The following PARP4 variants were observed in gnomAD, a reference collection of about 807,000 sequenced individuals.
PARP4 encodes the protein protein mono-ADP-ribosyltransferase PARP4.
Under a neutral mutation model 187.7 loss-of-function variants are expected in PARP4, and 120 were observed. The observed-to-expected ratio is 0.64, with a 90% CI of 0.55 to 0.74. PARP4 has a LOEUF of 0.74. PARP4 is among the 30% of genes least tolerant of loss of function. PARP4 has a pLI of 0.00. For synonymous variants in PARP4, 654 were observed against 740.9 expected, an observed-to-expected ratio of 0.88 and a Z score of 1.90; for missense variants, 1,836 against 2,070.5, an observed-to-expected ratio of 0.89 and a Z score of 2.20.
intron 12 of PARP4, among the ~76,000 whole-genome samples, chr13:24,482,143 T>C (rs7989323): frequency 0.016 from 2,434 of 152,296 alleles, 62 homozygotes; most frequent in African/African-American, 0.051. Flanking sequence ...AGAACTAGAA[T>C]TACAATTGGA....
At chr13:24,457,069 A>C (rs993518140) in intron 20 of PARP4, among the ~76,000 whole-genome samples, 1 of 152,224 alleles carries the variant, frequency 6.6e-6, no homozygotes, top group African/African-American at 2.4e-5. Context: ...AGATCTACCC[A>C]TTCAGTTAGA....
intron 17 of PARP4, among the ~76,000 whole-genome samples, chr13:24,463,528 A>G (rs1808328638): frequency 6.6e-6 from 1 of 152,238 alleles, no homozygotes; most frequent in Admixed American, 6.5e-5. Context: ...TCACATAAAC[A>G]GAACTAAAGA....
chr13:24,440,063 G>A (rs1229401871), intron 30 of PARP4, among the ~76,000 whole-genome samples: 1 of 152,092 alleles, frequency 6.6e-6, no homozygotes, highest in Non-Finnish European at 1.5e-5. Flanking sequence ...TTTCTTTCAT[G>A]GGCAATCCAT....
chr13:24,490,692 T>A lies in PARP4; in HGVS notation c.1190A>T (p.Lys397Ile). 6.2e-7 allele frequency: 1 copy of A among 1,613,904 alleles called. No homozygotes were observed. Among genetic ancestry groups the A allele is most frequent in the African/African-American group, 1.3e-5 (1 of 75,044 alleles). Residue 397 changes from lysine (K) to isoleucine (I), a missense_variant, in exon 10 of 34, where the codon AAA becomes ATA. Lys to Ile is a moderately radical substitution (Grantham distance 102). Transcript: ENST00000381989. ...CCTGTGATGATTCTGCAAAACCTCT[T>A]TTCTAACCCTGAGAAATTCTTCAGT... The part of the protein sequence containing the change: ...QNTEEFLRVR[K>I]EVLQNHHSKS...
At chr13:24,452,234 A>G (rs1176540437) in intron 24 of PARP4, 172 bp downstream of exon 24, 1 of 586,064 alleles carries the variant, frequency 1.7e-6, no homozygotes, top group Non-Finnish European at 3.0e-6. Context: ...TGAGTGGCCA[A>G]CCCAGGTTCT....
At position 24,455,205 on chromosome 13, in the gene PARP4, A is replaced by G. The variant is rs1203150034; in HGVS notation, c.2570T>C (p.Met857Thr). 1.3e-6 allele frequency: 2 copies of G among 1,588,494 alleles called. No individual in the cohort carries two copies. Among genetic ancestry groups the G allele is most frequent in the Admixed American group, 3.4e-5 (2 of 59,370 alleles). The part of the protein sequence containing the change: ...KHPEKESEAC[M>T]LVFQPDLDVD... ...ATCGAGATCGGGTTGAAAGACAAGC[A>G]TGCAAGCCTGAAAGGAGAAAGAAGG... is the stretch of plus-strand genomic sequence containing the variant. Residue 857 changes from methionine to threonine, a missense_variant, in exon 22 of 34, where the codon ATG becomes ACG. By Grantham distance (81) the Met-to-Thr change is moderately conservative. Transcript: ENST00000381989.
chr13:24,483,881 C>G (rs1380659651), intron 12 of PARP4, among the ~76,000 whole-genome samples: 1 of 152,226 alleles, frequency 6.6e-6, no homozygotes, highest in African/African-American at 2.4e-5. Context: ...CCTGCCTTGG[C>G]CTCCCAAAGT....
intron 11 of PARP4, among the ~76,000 whole-genome samples, chr13:24,485,792 C>T (rs994802059): frequency 7.9e-5 from 12 of 152,166 alleles, no homozygotes; most frequent in East Asian, 1.9e-4. Context: ...TTTCTTCATA[C>T]GATACAGTCT....
At chr13:24,424,820 C>T (rs906180380) in intron 33 of PARP4, among the ~76,000 whole-genome samples, 10 of 149,398 alleles carry the variant, frequency 6.7e-5, no homozygotes, top group South Asian at 2.1e-4. Flanking sequence ...TACAGGCACC[C>T]GCCATCACAC....
intron 2 of PARP4, among the ~76,000 whole-genome samples, 181 bp from the exon 3 acceptor site, chr13:24,502,015 C>T (rs112581967): frequency 0.01 from 1,577 of 152,256 alleles, 28 homozygotes; most frequent in African/African-American, 0.035. Context: ...TAAAAATCAA[C>T]TGTTTTTAAA....
At position 24,435,234 on chromosome 13, in the gene PARP4, T is replaced by C. The variant is rs778830573; in HGVS notation, c.3907A>G (p.Lys1303Glu). 11 of 1,613,968 alleles carry C rather than the reference T, an allele frequency of 6.8e-6. No individual in the cohort carries two copies. The Admixed American group carries it at 1.8e-4, about 27-fold the overall frequency. ...CKPTATEPLF[K>E]KVSPWETSTS... is the part of the protein sequence containing the mutation. ...GATGTTTCCCATGGACTGACTTTCTTAAATAGTGGTTCAGTTGCTGTTGGT... is the reference window on the plus strand; with the variant it reads ...GATGTTTCCCATGGACTGACTTTCTCAAATAGTGGTTCAGTTGCTGTTGGT... The change falls in exon 31 of 34, where the codon AAG becomes GAG. Residue 1303 changes from lysine (K) to glutamate (E), a missense_variant. Lys to Glu is a moderately conservative substitution (Grantham distance 56). This residue lies in a region of PARP4 where 450 missense variants were observed against 439.2 expected (regional missense o/e 1.02). Transcript: ENST00000381989.
intron 3 of PARP4, among the ~76,000 whole-genome samples, chr13:24,500,946 G>A (rs1302662038): frequency 6.6e-6 from 1 of 152,034 alleles, no homozygotes; most frequent in African/African-American, 2.4e-5. Context: ...AAATTATGCT[G>A]GCTGTCATAC....
intron 17 of PARP4, among the ~76,000 whole-genome samples, chr13:24,464,467 A>G (rs1051539237): frequency 5.3e-5 from 8 of 152,224 alleles, no homozygotes; most frequent in African/African-American, 1.4e-4. Flanking sequence ...CCAATGGAAC[A>G]GAATAGAGAT....
chr13:24,436,411 C>T (rs1391934902), intron 30 of PARP4, among the ~76,000 whole-genome samples: 13 of 152,212 alleles, frequency 8.5e-5, no homozygotes, highest in Non-Finnish European at 1.5e-5. Context: ...TCAAGTGATC[C>T]TCTCGCCTCA....
chr13:24,490,382 A>G (rs1269396873), intron 10 of PARP4, among the ~76,000 whole-genome samples: 1 of 152,142 alleles, frequency 6.6e-6, no homozygotes, highest in East Asian at 1.9e-4. Context: ...TTTCTCTGTA[A>G]TAACCTACAA....
At chr13:24,507,053 C>G (rs1869739906) in intron 1 of PARP4, among the ~76,000 whole-genome samples, 1 of 152,212 alleles carries the variant, frequency 6.6e-6, no homozygotes, top group Non-Finnish European at 1.5e-5. Flanking sequence ...GGCCCGGACG[C>G]TAAGCCCCTC....
intron 27 of PARP4, among the ~76,000 whole-genome samples, chr13:24,444,489 T>C (rs1194509041): frequency 6.6e-6 from 1 of 151,984 alleles, no homozygotes; most frequent in African/African-American, 2.4e-5. Flanking sequence ...TGTGCACTTT[T>C]GAGAAAAAAA....
chr13:24,455,954 A>G (rs1396337829), intron 21 of PARP4, among the ~76,000 whole-genome samples: 1 of 152,118 alleles, frequency 6.6e-6, no homozygotes, highest in African/African-American at 2.4e-5. Context: ...ACTTAAGAAG[A>G]GACTCTTTGT....
intron 9 of PARP4, 142 bp from the exon 10 acceptor site, chr13:24,490,970 G>A (rs186741712): frequency 4.0e-6 from 3 of 756,150 alleles, no homozygotes; most frequent in Admixed American, 2.8e-5. Flanking sequence ...TTTGAGATGG[G>A]TCTTGCTCTC....
Sources: allele counts gnomAD v4.1 joint callset (sites outside exome capture counted in the v4.1 genomes callset), GRCh38; gene constraint gnomAD v4.1.1; regional missense constraint gnomAD v4.1.1; transcripts MANE v1.5; gene names NCBI Gene and HGNC (gene_info 2026-07-23, HGNC 2026-07-21).